Variants in MYO3B observed in about 807,000 individuals in gnomAD.
MYO3B encodes myosin-IIIb.
Under a neutral mutation model 174.6 loss-of-function variants are expected in MYO3B, and 156 were observed. The observed-to-expected ratio is 0.89, with a 90% CI of 0.78 to 1.02. The LOEUF (loss-of-function observed/expected upper bound fraction) is 1.02, where lower values mean the gene tolerates loss of function less well. Ranked by LOEUF, MYO3B falls within the 50% of genes least tolerant of loss-of-function variation. The pLI is 0.00. For synonymous variants in MYO3B, 563 were observed against 569.1 expected (o/e 0.99, Z 0.15); for missense variants, 1,632 against 1,639.4 (o/e 1.00, Z 0.08).
chr2:170,432,704 G>A (rs1251742820), intron 22 of MYO3B, among the ~76,000 whole-genome samples: 1 of 151,866 alleles, frequency 6.6e-6, no homozygotes, highest in Non-Finnish European at 1.5e-5. Flanking sequence ...AGCCTCCCAA[G>A]TAGTTGGGAC....
intron 18 of MYO3B, among the ~76,000 whole-genome samples, chr2:170,402,280 T>A (rs1463591655): frequency 1.3e-5 from 2 of 152,244 alleles, no homozygotes; most frequent in Non-Finnish European, 2.9e-5. Context: ...ATCAGCTGCA[T>A]GTTCTAAGTC....
At chr2:170,416,536 A>G (rs2094579982) in intron 22 of MYO3B, among the ~76,000 whole-genome samples, 1 of 151,298 alleles carries the variant, frequency 6.6e-6, no homozygotes, top group Non-Finnish European at 1.5e-5. Context: ...AAAAAAAAAA[A>G]AAAAAAAGAT....
intron 32 of MYO3B, among the ~76,000 whole-genome samples, chr2:170,622,573 AT>A (rs150805087): frequency 0.15 from 22,549 of 151,370 alleles, 1,855 homozygotes; most frequent in East Asian, 0.31. Context: ...TATAATATAC[AT>A]TTTTTTTTAT....
chr2:170,542,043 AT>A (rs1195286587), intron 30 of MYO3B, among the ~76,000 whole-genome samples: 1 of 152,214 alleles, frequency 6.6e-6, no homozygotes, highest in African/African-American at 2.4e-5. Flanking sequence ...TCCTCATTTT[AT>A]AGATGAGGAA....
chr2:170,581,101 C>A (rs72881882), intron 32 of MYO3B, among the ~76,000 whole-genome samples: 281 of 152,292 alleles, frequency 1.8e-3, no homozygotes, highest in Non-Finnish European at 3.2e-3. Context: ...TGCCAACTTG[C>A]TCTCCAAACA....
chr2:170,452,846 AC>A (rs1683674423), intron 23 of MYO3B, among the ~76,000 whole-genome samples: 1 of 152,236 alleles, frequency 6.6e-6, no homozygotes, highest in South Asian at 2.1e-4. Flanking sequence ...GCAAAAAGTT[AC>A]ACAAATAACA....
At chr2:170,455,869 G>A (rs543196473) in intron 23 of MYO3B, among the ~76,000 whole-genome samples, 24 of 152,310 alleles carry the variant, frequency 1.6e-4, no homozygotes, top group Non-Finnish European at 2.9e-4. Context: ...TTGTAAGTCC[G>A]TGTTGTAGGA....
intron 32 of MYO3B, among the ~76,000 whole-genome samples, chr2:170,579,376 C>A (rs1692987543): frequency 6.6e-6 from 1 of 152,004 alleles, no homozygotes; most frequent in African/African-American, 2.4e-5. Flanking sequence ...ATACCAAAAA[C>A]CACCCACATA....
intron 20 of MYO3B, among the ~76,000 whole-genome samples, chr2:170,405,121 C>G (rs2094502325): frequency 6.6e-6 from 1 of 152,178 alleles, no homozygotes; most frequent in Non-Finnish European, 1.5e-5. Flanking sequence ...AAGTTTCAAG[C>G]CTTTTCCCCA....
At chr2:170,233,113 C>T (rs2093031855) in intron 6 of MYO3B, among the ~76,000 whole-genome samples, 3 of 152,186 alleles carry the variant, frequency 2.0e-5, no homozygotes, top group South Asian at 2.1e-4. Context: ...AATTTCTCCG[C>T]AAAAGTTCTA....
chr2:170,519,159 G>A (rs1473207876), intron 29 of MYO3B, among the ~76,000 whole-genome samples: 1 of 152,102 alleles, frequency 6.6e-6, no homozygotes, highest in Non-Finnish European at 1.5e-5. Context: ...ATCACTTGGG[G>A]CCTCTAATCT....
At chr2:170,569,491 G>C (rs1367562080) in intron 32 of MYO3B, among the ~76,000 whole-genome samples, 4 of 151,242 alleles carry the variant, frequency 2.6e-5, no homozygotes, top group Admixed American at 1.3e-4. Flanking sequence ...GTGAGAGGGA[G>C]AGACAGAATC....
At chr2:170,446,749 G>C (rs911257919) in intron 23 of MYO3B, among the ~76,000 whole-genome samples, 1 of 152,070 alleles carries the variant, frequency 6.6e-6, no homozygotes, top group Non-Finnish European at 1.5e-5. Context: ...CCCATCAAAA[G>C]GTTTATGGCT....
Position 170,229,918 on chromosome 2 carries a change from C to T in MYO3B, c.604-6073C>T, listed in dbSNP as rs76457796. Among the ~76,000 whole-genome samples the T allele has an allele frequency of 8.9e-4, 136 of 152,000 alleles. 2 individuals carry two copies. The East Asian group carries it at 0.017, about 19-fold the overall frequency. ...GTCCTAGTCATGGATCATGATGGCC[C>T]GAGAAAGTGAAAGTACTCTACTCAT... On this transcript the variant is annotated intron_variant, in intron 6 of 34. Transcript: ENST00000408978.
At chr2:170,490,957 T>C (rs921719066) in intron 25 of MYO3B, among the ~76,000 whole-genome samples, 3 of 152,184 alleles carry the variant, frequency 2.0e-5, no homozygotes, top group African/African-American at 7.2e-5. Flanking sequence ...CCTTTCTTTT[T>C]TTCTGATCTG....
chr2:170,247,646 A>G (rs2093206213), intron 7 of MYO3B, among the ~76,000 whole-genome samples: 1 of 152,216 alleles, frequency 6.6e-6, no homozygotes, highest in African/African-American at 2.4e-5. Flanking sequence ...GTCCAAGATC[A>G]AGATGTCATC....
chr2:170,563,159 C>A (rs779829015), intron 32 of MYO3B, among the ~76,000 whole-genome samples: 33 of 151,280 alleles, frequency 2.2e-4, no homozygotes, highest in Non-Finnish European at 4.6e-4. Flanking sequence ...CACACACACA[C>A]CCCAAGAATC....
intron 3 of MYO3B, among the ~76,000 whole-genome samples, chr2:170,207,760 G>C (rs1413735796): frequency 6.6e-6 from 1 of 151,952 alleles, no homozygotes; most frequent in African/African-American, 2.4e-5. Context: ...GACTGAAGAT[G>C]AATGGCTACT....
At chr2:170,245,395 G>A (rs1168504292) in intron 7 of MYO3B, among the ~76,000 whole-genome samples, 2 of 152,194 alleles carry the variant, frequency 1.3e-5, no homozygotes, top group Non-Finnish European at 2.9e-5. Context: ...CATGAAACAT[G>A]AGGTTTGATA....
Sources: allele counts gnomAD v4.1 joint callset (sites outside exome capture counted in the v4.1 genomes callset), GRCh38; gene constraint gnomAD v4.1.1; transcripts MANE v1.5; gene names NCBI Gene and HGNC (gene_info 2026-07-23, HGNC 2026-07-21).